The following GRIA3 variants were observed in gnomAD, a reference collection of about 807,000 sequenced individuals.
The protein encoded by GRIA3 is glutamate ionotropic receptor AMPA type subunit 3, also known as glutamate receptor 3.
A neutral mutation model predicts 63.0 loss-of-function variants in GRIA3; 3 were observed. That is an observed-to-expected ratio of 0.05 (90% CI 0.02 to 0.12). The LOEUF (loss-of-function observed/expected upper bound fraction) is 0.12. Among genes scored for constraint, GRIA3 ranks in the 10% least tolerant of loss-of-function variants. GRIA3 has a pLI of 1.00. For missense variants in GRIA3, 347 were observed against 700.9 expected (o/e 0.50, Z 5.70); for synonymous variants, 274 against 257.9 (o/e 1.06, Z -0.60).
intron 3 of GRIA3, among the ~76,000 whole-genome samples, chrX:123,272,583 G>A (rs1019600706): frequency 5.4e-5 from 6 of 111,560 alleles, no homozygotes; most frequent in Non-Finnish European, 1.1e-4. Context: ...ATACAAATGT[G>A]TGCAAATCAC....
At chrX:123,362,659 C>T (rs189038337) in intron 5 of GRIA3, among the ~76,000 whole-genome samples, 3 of 108,493 alleles carry the variant, frequency 2.8e-5, no homozygotes, top group East Asian at 2.9e-4. Flanking sequence ...TTTAAAAATC[C>T]GTGTCAAATG....
At position 123,244,148 on chromosome X, in the gene GRIA3, C is replaced by T. The variant is rs182328656; in HGVS notation, c.269-9155C>T. Among the ~76,000 whole-genome samples the T allele has an allele frequency of 2.0e-4, 23 of 112,545 alleles. No homozygotes were observed. The East Asian group carries it at 6.4e-3, about 31-fold the overall frequency. ...AGTTAGACTTTCAGAAGGCAGTATG[C>T]TCTTGAGAGCTGAACAAAATGTTCA... On this transcript the variant is annotated intron_variant, in intron 2 of 15. Transcript: ENST00000620443.
chrX:123,356,653 A>G (rs2045135788), intron 5 of GRIA3, among the ~76,000 whole-genome samples: 1 of 112,120 alleles, frequency 8.9e-6, no homozygotes, highest in South Asian at 3.7e-4. Context: ...AGGGGGATAA[A>G]GAGATATAGC....
intron 3 of GRIA3, among the ~76,000 whole-genome samples, chrX:123,262,828 C>T (rs2044467600): frequency 9.0e-6 from 1 of 111,238 alleles, no homozygotes; most frequent in South Asian, 3.9e-4. Flanking sequence ...TCTGAGGCCA[C>T]CACAGAACTG....
chrX:123,241,771 G>A (rs1377568355), intron 2 of GRIA3, among the ~76,000 whole-genome samples: 1 of 111,139 alleles, frequency 9.0e-6, no homozygotes, highest in Non-Finnish European at 1.9e-5. Context: ...CAGGTGGGAT[G>A]CATATTGTCA....
intron 12 of GRIA3, among the ~76,000 whole-genome samples, chrX:123,453,654 TCTC>T (rs1254148861): frequency 1.6e-4 from 17 of 108,826 alleles, no homozygotes; most frequent in Non-Finnish European, 2.5e-4. Flanking sequence ...CACACAAACT[TCTC>T]CTCCATACCC....
chrX:123,314,434 A>C (rs750423916), intron 3 of GRIA3, among the ~76,000 whole-genome samples: 1 of 112,191 alleles, frequency 8.9e-6, no homozygotes, highest in Non-Finnish European at 1.9e-5. Flanking sequence ...CATCCCCTTC[A>C]ATCCAAACCC....
chrX:123,476,980 G>A (rs1468951835), intron 13 of GRIA3, among the ~76,000 whole-genome samples: 1 of 111,862 alleles, frequency 8.9e-6, no homozygotes, highest in African/African-American at 3.3e-5. Flanking sequence ...TTTAAGCCAT[G>A]GGAGTGAAAA....
chrX:123,202,521 A>G lies in GRIA3; in HGVS notation c.268+16531A>G, dbSNP rs1927769620. On this transcript the variant is annotated intron_variant, in intron 2 of 15. Transcript: ENST00000620443. ...CCCCAGCTGCCACTGTGGCCTGGAC[A>G]GTGTACATCAAGGTTCACCCTCTTT... 3 of 728,109 alleles carry G rather than the reference A, an allele frequency of 4.1e-6. No individual in the cohort carries two copies. The Admixed American group carries it at 9.6e-5, about 23-fold the overall frequency. 60.0% of individuals were successfully genotyped at this position (728,109 alleles called of 1,213,427 possible). A position where few individuals can be genotyped will look rare whatever the true frequency, so the allele number is the denominator to read the frequency against.
intron 12 of GRIA3, among the ~76,000 whole-genome samples, chrX:123,448,472 A>G (rs2045714248): frequency 8.9e-6 from 1 of 111,856 alleles, no homozygotes; most frequent in African/African-American, 3.3e-5. Flanking sequence ...AGAGTAAACT[A>G]GAAAAATATT....
intron 2 of GRIA3, among the ~76,000 whole-genome samples, chrX:123,226,211 T>C (rs1032248073): frequency 9.0e-6 from 1 of 111,456 alleles, no homozygotes; most frequent in African/African-American, 3.3e-5. Flanking sequence ...ATCTTCATCA[T>C]CATTATCATA....
At chrX:123,321,042 C>G (rs776062065) in intron 3 of GRIA3, among the ~76,000 whole-genome samples, 220 of 112,164 alleles carry the variant, frequency 2.0e-3, no homozygotes, top group Non-Finnish European at 3.5e-3. Flanking sequence ...TCTGAGTCAT[C>G]TGTAAGAGTA....
intron 3 of GRIA3, among the ~76,000 whole-genome samples, chrX:123,284,408 T>C (rs1418781052): frequency 1.8e-5 from 2 of 111,390 alleles, no homozygotes; most frequent in Admixed American, 1.9e-4. Flanking sequence ...GTTTGAGGAA[T>C]TGACAGAAGT....
chrX:123,446,613 G>T (rs963404602), intron 12 of GRIA3, among the ~76,000 whole-genome samples: 3 of 112,517 alleles, frequency 2.7e-5, no homozygotes. Context: ...TCTTGCAAGT[G>T]ACTTTAAAAA....
intron 2 of GRIA3, among the ~76,000 whole-genome samples, chrX:123,216,861 T>C (rs1391032282): frequency 1.8e-5 from 2 of 111,783 alleles, no homozygotes; most frequent in Non-Finnish European, 3.8e-5. Context: ...ATCTATTAAA[T>C]ACACGGACTA....
intron 5 of GRIA3, among the ~76,000 whole-genome samples, chrX:123,386,698 C>A (rs2045356341): frequency 8.9e-6 from 1 of 111,993 alleles, no homozygotes; most frequent in African/African-American, 3.2e-5. Context: ...TTCCCAGCAC[C>A]ATTTATTGAA....
chrX:123,483,704 G>A lies in GRIA3; in HGVS notation c.*2+658G>A, dbSNP rs192848503. Among the ~76,000 whole-genome samples the A allele has an allele frequency of 6.2e-3, 694 of 112,160 alleles. 10 individuals are homozygous for A. The highest frequency in any genetic ancestry group is 0.021 in the African/African-American group (639 of 30,883). On this transcript the variant is annotated intron_variant, in intron 15 of 15. Transcript: ENST00000620443. ...TCCCAGCACTTTGGGAGGCTGAGGC[G>A]GGTGGATCACGCAGTCAGGAGATCG...
intron 2 of GRIA3, among the ~76,000 whole-genome samples, chrX:123,212,279 A>T (rs780686657): frequency 9.0e-6 from 1 of 111,676 alleles, no homozygotes; most frequent in South Asian, 3.8e-4. Context: ...GTTATATAAA[A>T]TGCTAAAAAA....
rs754928313 is a variant in GRIA3, at chrX:123,470,996, G to C, written c.2324+5884G>C. On this transcript the variant is annotated intron_variant, in intron 13 of 15. Coordinates refer to ENST00000620443, the MANE Select transcript of GRIA3 (RefSeq NM_007325.5). ...CGATGGCACTTCCTGGGTCTTAGCA[G>C]AAGTTCCTGTGAATCCTCAAGACTC... 4.5e-5 allele frequency among the ~76,000 whole-genome samples: 5 copies of C among 112,239 alleles called. No homozygotes were observed. In the East Asian group the frequency reaches 8.4e-4, roughly 19 times the overall value.
Sources: gnomAD v4.1 joint callset for allele counts (sites outside exome capture counted in the v4.1 genomes callset) on GRCh38, gnomAD v4.1.1 for gene constraint, MANE v1.5 for transcripts, NCBI Gene and HGNC (gene_info 2026-07-23, HGNC 2026-07-21) for gene names.